GLIS3: variants seen among roughly 807,000 people sequenced by gnomAD.
GLIS3 encodes GLIS family zinc finger 3.
A neutral mutation model predicts 78.6 loss-of-function variants in GLIS3; 53 were observed. The observed-to-expected ratio is 0.67, with a 90% CI of 0.54 to 0.85. GLIS3 has a LOEUF of 0.85. Ranked by LOEUF, GLIS3 falls within the 40% of genes least tolerant of loss-of-function variation. GLIS3 has a pLI of 0.00. For synonymous variants in GLIS3, 684 were observed against 509.9 expected, an observed-to-expected ratio of 1.34 and a Z score of -4.60; for missense variants, 1,703 against 1,231.1, an observed-to-expected ratio of 1.38 and a Z score of -5.74.
At chr9:4,486,075 A>G in the GLIS3 span, among the ~76,000 whole-genome samples, 2 of 152,220 alleles carry the variant, frequency 1.3e-5, no homozygotes, top group Non-Finnish European at 2.9e-5. Context: ...GTTTGTATAT[A>G]TTGAAATTTT....
upstream of GLIS3, among the ~76,000 whole-genome samples, chr9:4,351,268 A>C (rs1355900225): frequency 6.6e-6 from 1 of 151,944 alleles, no homozygotes; most frequent in African/African-American, 2.4e-5. Context: ...ACAAACAATT[A>C]ACTGGGTGTG....
At chr9:4,312,215 C>T (rs540524714) in intron 2 of GLIS3, among the ~76,000 whole-genome samples, 2 of 152,344 alleles carry the variant, frequency 1.3e-5, no homozygotes, top group South Asian at 4.1e-4. Flanking sequence ...CGCCTGTAAT[C>T]CCAGCATTTT....
chr9:4,121,770 C>T (rs1832209489), intron 3 of GLIS3, among the ~76,000 whole-genome samples: 1 of 152,062 alleles, frequency 6.6e-6, no homozygotes, highest in Non-Finnish European at 1.5e-5. Flanking sequence ...CACATGTCAC[C>T]CACAATGCTC....
intron 2 of GLIS3, among the ~76,000 whole-genome samples, chr9:4,233,408 C>T (rs1822446133): frequency 6.6e-6 from 1 of 152,226 alleles, no homozygotes. Flanking sequence ...ATCATGAAAA[C>T]ACATTAATCT....
chr9:4,202,152 CT>C (rs71324286), intron 2 of GLIS3, among the ~76,000 whole-genome samples: 12 of 125,432 alleles, frequency 9.6e-5, no homozygotes, highest in Admixed American at 2.7e-4. Context: ...CCCCCTTTTT[CT>C]TTTTTTTTTT....
At chr9:3,892,547 T>C (rs1373917601) in intron 7 of GLIS3, among the ~76,000 whole-genome samples, 2 of 152,182 alleles carry the variant, frequency 1.3e-5, no homozygotes, top group East Asian at 3.9e-4. Context: ...GCAAGTAATA[T>C]CCAAGTTATA....
At chr9:4,434,838 G>T in the GLIS3 span, among the ~76,000 whole-genome samples, 1 of 152,164 alleles carries the variant, frequency 6.6e-6, no homozygotes, top group Non-Finnish European at 1.5e-5. Context: ...AAGCAAGTGG[G>T]ATGCTGACTA....
chr9:3,896,226 G>C (rs993268285), intron 7 of GLIS3, among the ~76,000 whole-genome samples: 1 of 152,152 alleles, frequency 6.6e-6, no homozygotes, highest in Non-Finnish European at 1.5e-5. Context: ...TAAAAGAAAG[G>C]CTTAAATTTT....
At chr9:4,189,187 G>A (rs1818096456) in intron 2 of GLIS3, among the ~76,000 whole-genome samples, 1 of 151,564 alleles carries the variant, frequency 6.6e-6, no homozygotes, top group Non-Finnish European at 1.5e-5. Context: ...AGAGATTCTG[G>A]TATGTTGTGT....
At chr9:4,330,648 G>GAT (rs879745880) in intron 2 of GLIS3, among the ~76,000 whole-genome samples, 8,166 of 150,350 alleles carry the variant, frequency 0.054, 651 homozygotes, top group East Asian at 0.15. Context: ...GAGAGGTGGA[G>GAT]GTGAAGGTTG....
intron 9 of GLIS3, among the ~76,000 whole-genome samples, chr9:3,844,377 G>C (rs2130107828): frequency 6.6e-6 from 1 of 152,242 alleles, no homozygotes; most frequent in African/African-American, 2.4e-5. Context: ...GCCCTGAAGA[G>C]TCCAACAGAG....
At chr9:3,850,282 A>G (rs1432204189) in intron 9 of GLIS3, among the ~76,000 whole-genome samples, 6 of 152,188 alleles carry the variant, frequency 3.9e-5, no homozygotes, top group Non-Finnish European at 8.8e-5. Flanking sequence ...GCTGAAGGCC[A>G]CGCAAGGCTG....
At position 3,974,679 on chromosome 9, in the gene GLIS3, T is replaced by A. The variant is rs181041507; in HGVS notation, c.1711-37490A>T. On this transcript the variant is annotated intron_variant, in intron 4 of 10. Transcript: ENST00000381971. ...AAGTTTAAAAGAACAGCATTCATATTTTTTTTTCCACCTAGGAAGTGTTAA... is the reference window on the plus strand; with the variant it reads ...AAGTTTAAAAGAACAGCATTCATATATTTTTTTCCACCTAGGAAGTGTTAA... 1.4e-3 allele frequency among the ~76,000 whole-genome samples: 212 copies of A among 151,682 alleles called. 1 individual carries two copies. Among genetic ancestry groups the A allele is most frequent in the Non-Finnish European group, 2.1e-3 (141 of 67,650 alleles).
the GLIS3 span, among the ~76,000 whole-genome samples, chr9:4,399,821 TA>T: frequency 2.0e-5 from 3 of 152,178 alleles, no homozygotes; most frequent in Admixed American, 6.5e-5. Flanking sequence ...GGCATGAGGT[TA>T]AGTTTACTTT....
the GLIS3 span, among the ~76,000 whole-genome samples, chr9:4,463,169 C>G: frequency 6.6e-6 from 1 of 152,162 alleles, no homozygotes; most frequent in African/African-American, 2.4e-5. Flanking sequence ...GTCACAAACA[C>G]AGAATACATT....
intron 2 of GLIS3, among the ~76,000 whole-genome samples, chr9:4,192,921 G>A (rs916323128): frequency 3.9e-5 from 6 of 152,216 alleles, no homozygotes; most frequent in African/African-American, 9.6e-5. Context: ...AAGTATCTCA[G>A]TGTGGACAGG....
At chr9:4,415,149 T>C in the GLIS3 span, among the ~76,000 whole-genome samples, 1 of 152,188 alleles carries the variant, frequency 6.6e-6, no homozygotes, top group African/African-American at 2.4e-5. Context: ...TCAGAGACTA[T>C]GATAGAAGGT....
intron 2 of GLIS3, among the ~76,000 whole-genome samples, chr9:4,251,778 G>T (rs1824417000): frequency 1.3e-5 from 2 of 152,094 alleles, no homozygotes; most frequent in Admixed American, 1.3e-4. Context: ...CTTCCTTCAG[G>T]AGCTTTTGTA....
intron 2 of GLIS3, among the ~76,000 whole-genome samples, chr9:4,269,754 A>G (rs1384055350): frequency 6.6e-6 from 1 of 152,172 alleles, no homozygotes; most frequent in Non-Finnish European, 1.5e-5. Flanking sequence ...AATGCTGTCT[A>G]TTAATTTTGT....
Sources: allele counts gnomAD v4.1 joint callset (sites outside exome capture counted in the v4.1 genomes callset), GRCh38; gene constraint gnomAD v4.1.1; transcripts MANE v1.5; gene names NCBI Gene and HGNC (gene_info 2026-07-23, HGNC 2026-07-21).